ADGRV1: variants seen among roughly 807,000 people sequenced by gnomAD.
ADGRV1 encodes G-protein coupled receptor 98.
ADGRV1 carries 359 observed loss-of-function variants against 596.2 expected under a neutral mutation model. The observed-to-expected ratio is 0.60, with a 90% confidence interval of 0.55 to 0.66. The LOEUF (loss-of-function observed/expected upper bound fraction) is 0.66. Ranked by LOEUF, ADGRV1 falls within the 30% of genes least tolerant of loss-of-function variation. The pLI is 0.00. For synonymous variants in ADGRV1, 2,681 were observed against 2,679.2 expected (o/e 1.00, Z -0.02); for missense variants, 7,274 against 7,575.6 (o/e 0.96, Z 1.48).
chr5:90,614,937 T>C lies in ADGRV1; in HGVS notation c.125T>C (p.Val42Ala). 3 of 1,599,630 alleles carry C rather than the reference T, an allele frequency of 1.9e-6. No homozygotes were observed. The highest frequency in any genetic ancestry group is 1.7e-6 in the Non-Finnish European group (2 of 1,171,560). Residue 42 changes from valine to alanine, a missense_variant, in exon 2 of 90, where the codon GTT becomes GCT. Val to Ala is a moderately conservative substitution (Grantham distance 64, BLOSUM62 0). Transcript: ENST00000405460. Reference protein sequence around the residue: ...EIRFTGQTEFVVNETSTTVIR... With the variant: ...EIRFTGQTEFAVNETSTTVIR... ...AGATTTACTGGACAAACTGAATTTGTTGTTAATGAAACAAGTACAACAGTT... is the reference window on the plus strand; with the variant it reads ...AGATTTACTGGACAAACTGAATTTGCTGTTAATGAAACAAGTACAACAGTT...
intron 89 of ADGRV1, among the ~76,000 whole-genome samples, chr5:91,161,434 TG>T (rs577255070): frequency 1.4e-3 from 211 of 151,882 alleles, no homozygotes; most frequent in African/African-American, 5.0e-3. Context: ...TTTTTGTTGT[TG>T]TTTTTTGTTT....
In ADGRV1 at chr5:90,828,926, C is replaced by A; in HGVS notation, c.16369-18C>A. ...ATATTAGTAATAGTTGTTTTTTTTTCCTTTTTCTCATTGTCAGGTACCACA... is the reference window on the plus strand; with the variant it reads ...ATATTAGTAATAGTTGTTTTTTTTTACTTTTTCTCATTGTCAGGTACCACA... On this transcript the variant is annotated intron_variant, in intron 76 of 89. Coordinates refer to ENST00000405460, the MANE Select transcript of ADGRV1 (RefSeq NM_032119.4). 6.7e-7 allele frequency: 1 copy of A among 1,481,580 alleles called. No individual in the cohort carries two copies. Among genetic ancestry groups the A allele is most frequent in the South Asian group, 1.5e-5 (1 of 68,944 alleles). 91.8% of individuals were successfully genotyped at this position (1,481,580 alleles called of 1,614,324 possible).
intron 1 of ADGRV1, among the ~76,000 whole-genome samples, chr5:90,613,444 C>T (rs867011769): frequency 6.6e-6 from 1 of 152,096 alleles, no homozygotes; most frequent in African/African-American, 2.4e-5. Flanking sequence ...TTTTTCCCTT[C>T]CATTTCTCTC....
At chr5:91,017,688 C>T (rs527544483) in intron 85 of ADGRV1, among the ~76,000 whole-genome samples, 70 of 151,844 alleles carry the variant, frequency 4.6e-4, no homozygotes, top group Admixed American at 1.2e-3. Flanking sequence ...GTATGTATGC[C>T]CTTGGATGTG....
At chr5:91,041,728 C>T (rs1785378453) in intron 85 of ADGRV1, among the ~76,000 whole-genome samples, 1 of 151,816 alleles carries the variant, frequency 6.6e-6, no homozygotes, top group Non-Finnish European at 1.5e-5. Flanking sequence ...GAAAGAATTT[C>T]AATTTCCTGA....
At chr5:90,634,483 A>G (rs1051410769) in intron 9 of ADGRV1, among the ~76,000 whole-genome samples, 1 of 152,254 alleles carries the variant, frequency 6.6e-6, no homozygotes, top group Non-Finnish European at 1.5e-5. Flanking sequence ...TATATGTTAT[A>G]CATTGCAGTT....
intron 83 of ADGRV1, among the ~76,000 whole-genome samples, chr5:90,930,725 G>C (rs3105791): frequency 0.36 from 55,022 of 151,898 alleles, 10,366 homozygotes; most frequent in East Asian, 0.59. Context: ...AATCAACTTG[G>C]TCTTGCACTA....
chr5:90,574,287 TA>T (rs1221115073), intron 1 of ADGRV1, among the ~76,000 whole-genome samples: 6 of 152,166 alleles, frequency 3.9e-5, no homozygotes, highest in Admixed American at 1.3e-4. Flanking sequence ...TTTCAATCCA[TA>T]AGAATAGAAT....
intron 50 of ADGRV1, among the ~76,000 whole-genome samples, chr5:90,744,195 G>C (rs79808864): frequency 6.6e-6 from 1 of 152,056 alleles, no homozygotes; most frequent in Admixed American, 6.6e-5. Flanking sequence ...CTATGTTGCC[G>C]GGTCTCGAAC....
At chr5:91,017,691 T>TG (rs1387160957) in intron 85 of ADGRV1, among the ~76,000 whole-genome samples, 1 of 151,902 alleles carries the variant, frequency 6.6e-6, no homozygotes, top group Admixed American at 6.6e-5. Context: ...TGTATGCCCT[T>TG]GGATGTGAAT....
chr5:90,659,783 A>G lies in ADGRV1; in HGVS notation c.4752+1505A>G, dbSNP rs570247501. ...CGCGGTGGCTCACGCCTGTAATCCC[A>G]GCACTTCGGGATGCTGAGGCGGGCG... On this transcript the variant is annotated intron_variant, in intron 21 of 89. Coordinates refer to ENST00000405460, the MANE Select transcript of ADGRV1 (RefSeq NM_032119.4). Among the ~76,000 whole-genome samples the G allele has an allele frequency of 5.9e-5, 9 of 152,376 alleles. No homozygotes were observed. The South Asian group carries it at 1.0e-3, about 18-fold the overall frequency.
chr5:90,923,954 A>G (rs1226087204), intron 83 of ADGRV1, among the ~76,000 whole-genome samples: 2 of 151,998 alleles, frequency 1.3e-5, no homozygotes, highest in African/African-American at 4.8e-5. Flanking sequence ...TACAAAGGAC[A>G]TGAACTCCTC....
chr5:90,907,298 A>G (rs1036048650), intron 83 of ADGRV1, among the ~76,000 whole-genome samples: 4 of 152,214 alleles, frequency 2.6e-5, no homozygotes, highest in Non-Finnish European at 2.9e-5. Flanking sequence ...TTGGATTCAC[A>G]TATTGTCCTG....
intron 4 of ADGRV1, among the ~76,000 whole-genome samples, chr5:90,620,825 G>A (rs9763981): frequency 0.017 from 2,533 of 152,260 alleles, 35 homozygotes; most frequent in South Asian, 0.027. Flanking sequence ...TGGCTAGCCA[G>A]TTACTTTCAA....
chr5:90,565,045 A>C (rs1755455045), intron 1 of ADGRV1, among the ~76,000 whole-genome samples: 1 of 151,998 alleles, frequency 6.6e-6, no homozygotes, highest in Non-Finnish European at 1.5e-5. Context: ...GACCAGCCTG[A>C]CCAACATGGT....
At chr5:90,857,769 C>A (rs753578513) in intron 82 of ADGRV1, among the ~76,000 whole-genome samples, 4 of 152,072 alleles carry the variant, frequency 2.6e-5, no homozygotes, top group Admixed American at 1.3e-4. Context: ...CCCCAGGAAC[C>A]AGAAAAGAGA....
At chr5:90,950,993 C>T (rs1777016695) in intron 83 of ADGRV1, among the ~76,000 whole-genome samples, 1 of 152,160 alleles carries the variant, frequency 6.6e-6, no homozygotes, top group Non-Finnish European at 1.5e-5. Flanking sequence ...TCCTCATTCT[C>T]ATTTTGCAGA....
chr5:91,058,255 A>G (rs1581925126), intron 85 of ADGRV1, among the ~76,000 whole-genome samples: 1 of 152,132 alleles, frequency 6.6e-6, no homozygotes, highest in Non-Finnish European at 1.5e-5. Context: ...TATCCCTTCT[A>G]GTGCTCAGAT....
chr5:90,814,249 A>T (rs1053943069), intron 74 of ADGRV1, among the ~76,000 whole-genome samples: 2 of 152,212 alleles, frequency 1.3e-5, no homozygotes, highest in Non-Finnish European at 2.9e-5. Context: ...CATGTCCCTA[A>T]TAAAGGGGCT....
Sources: gnomAD v4.1 joint callset for allele counts (sites outside exome capture counted in the v4.1 genomes callset) on GRCh38, gnomAD v4.1.1 for gene constraint, MANE v1.5 for transcripts, NCBI Gene and HGNC (gene_info 2026-07-23, HGNC 2026-07-21) for gene names.